Variants in CAMK1D observed in about 807,000 individuals in gnomAD.
CAMK1D encodes the protein calcium/calmodulin-dependent protein kinase type 1D.
Under a neutral mutation model 47.7 loss-of-function variants are expected in CAMK1D, and 9 were observed. That is an observed-to-expected ratio of 0.19 (90% CI 0.11 to 0.33). CAMK1D has a LOEUF of 0.33. CAMK1D is among the 10% of genes least tolerant of loss of function. The pLI, the probability that CAMK1D is intolerant of heterozygous loss-of-function variation, is 1.00. For missense variants in CAMK1D, 291 were observed against 488.7 expected (o/e 0.60, Z 3.81); for synonymous variants, 184 against 184.9 (o/e 0.99, Z 0.04).
intron 3 of CAMK1D, among the ~76,000 whole-genome samples, chr10:12,738,255 A>G (rs979559719): frequency 1.3e-5 from 2 of 152,240 alleles, no homozygotes; most frequent in African/African-American, 4.8e-5. Context: ...ATTTCTGTCA[A>G]TAAGAGGACA....
chr10:12,443,321 C>T (rs1832836393), intron 1 of CAMK1D, among the ~76,000 whole-genome samples: 1 of 152,118 alleles, frequency 6.6e-6, no homozygotes, highest in South Asian at 2.1e-4. Context: ...ACCTATGTTG[C>T]CTCCATTCTG....
intron 2 of CAMK1D, among the ~76,000 whole-genome samples, chr10:12,645,261 T>C (rs1272093417): frequency 6.6e-6 from 1 of 152,204 alleles, no homozygotes; most frequent in East Asian, 1.9e-4. Flanking sequence ...GGGCTATTAT[T>C]TAAAATTTTT....
At chr10:12,755,410 A>G (rs1314854630) in intron 3 of CAMK1D, among the ~76,000 whole-genome samples, 1 of 152,240 alleles carries the variant, frequency 6.6e-6, no homozygotes, top group Non-Finnish European at 1.5e-5. Flanking sequence ...AACTTTCTCC[A>G]AGCCAGGTTA....
chr10:12,409,849 C>T (rs1165593598), intron 1 of CAMK1D, among the ~76,000 whole-genome samples: 2 of 152,174 alleles, frequency 1.3e-5, no homozygotes, highest in South Asian at 2.1e-4. Context: ...ACCCATTAAG[C>T]GGTAGCTCCG....
intron 1 of CAMK1D, among the ~76,000 whole-genome samples, chr10:12,367,155 C>A (rs972787412): frequency 6.6e-6 from 1 of 152,180 alleles, no homozygotes; most frequent in Admixed American, 6.5e-5. Context: ...CCAAGTGTGG[C>A]TGACTCTCCC....
chr10:12,669,781 T>C (rs1034500361), intron 3 of CAMK1D, among the ~76,000 whole-genome samples: 1 of 152,226 alleles, frequency 6.6e-6, no homozygotes, highest in African/African-American at 2.4e-5. Context: ...AATTGACTTA[T>C]ATAGTATGTA....
At chr10:12,733,828 G>A (rs946140763) in intron 3 of CAMK1D, among the ~76,000 whole-genome samples, 7 of 152,086 alleles carry the variant, frequency 4.6e-5, no homozygotes, top group African/African-American at 1.7e-4. Context: ...TCATTGTATT[G>A]TAAATTTCAA....
intron 2 of CAMK1D, among the ~76,000 whole-genome samples, chr10:12,583,573 T>G (rs1056280098): frequency 2.0e-5 from 3 of 151,902 alleles, no homozygotes; most frequent in African/African-American, 7.3e-5. Flanking sequence ...GACGTTTCTT[T>G]GGTTTTGTGT....
chr10:12,638,652 G>A (rs1300790699), intron 2 of CAMK1D, among the ~76,000 whole-genome samples: 1 of 152,176 alleles, frequency 6.6e-6, no homozygotes, highest in Non-Finnish European at 1.5e-5. Flanking sequence ...GCTGGCTGGA[G>A]TCTCCTTAGA....
chr10:12,761,773 C>A (rs535114829), intron 4 of CAMK1D, among the ~76,000 whole-genome samples: 53 of 152,292 alleles, frequency 3.5e-4, no homozygotes, highest in African/African-American at 1.1e-3. Context: ...GTAGTCCCAG[C>A]TACACAGGAA....
chr10:12,516,943 G>A (rs994862009), intron 1 of CAMK1D, among the ~76,000 whole-genome samples: 2 of 152,168 alleles, frequency 1.3e-5, no homozygotes, highest in Non-Finnish European at 2.9e-5. Context: ...TTTGAATTGG[G>A]ATTGCATCGA....
rs369466775 is a variant in CAMK1D at position 12,410,852 on chromosome 10, T to C, written c.92+60942T>C. Among the ~76,000 whole-genome samples the C allele has an allele frequency of 1.1e-3, 162 of 152,282 alleles. 1 individual carries two copies. Among genetic ancestry groups the C allele is most frequent in the African/African-American group, 3.7e-3 (153 of 41,566 alleles). On this transcript the variant is annotated intron_variant, in intron 1 of 10. Transcript: ENST00000619168. ...TATTCTTCACTCTGCCCTCTTTTAT[T>C]GATTAATTTTAGGCAATCTCTGCGG...
intron 2 of CAMK1D, among the ~76,000 whole-genome samples, chr10:12,573,644 G>T (rs1588648641): frequency 6.6e-6 from 1 of 150,600 alleles, no homozygotes; most frequent in East Asian, 2.0e-4. Flanking sequence ...TCTTTCTTAC[G>T]TTTTTCTTTT....
chr10:12,724,134 G>A (rs779032848), intron 3 of CAMK1D, among the ~76,000 whole-genome samples: 10 of 152,286 alleles, frequency 6.6e-5, no homozygotes, highest in South Asian at 2.1e-4. Flanking sequence ...GATTACAGAC[G>A]CCGGCCACCA....
intron 1 of CAMK1D, among the ~76,000 whole-genome samples, chr10:12,375,406 C>T (rs926008770): frequency 3.9e-5 from 6 of 152,210 alleles, no homozygotes; most frequent in Non-Finnish European, 8.8e-5. Context: ...GTGAGGATTG[C>T]TCACTGCGTA....
At chr10:12,599,939 A>G (rs558397192) in intron 2 of CAMK1D, among the ~76,000 whole-genome samples, 2 of 152,348 alleles carry the variant, frequency 1.3e-5, no homozygotes, top group South Asian at 4.1e-4. Flanking sequence ...TTTATTTTTT[A>G]AGAAAATACA....
intron 1 of CAMK1D, among the ~76,000 whole-genome samples, chr10:12,511,800 C>T (rs771856702): frequency 6.6e-6 from 1 of 152,250 alleles, no homozygotes; most frequent in Non-Finnish European, 1.5e-5. Context: ...CCTGGATAGA[C>T]ACGAGACTTT....
intron 1 of CAMK1D, among the ~76,000 whole-genome samples, chr10:12,443,735 T>C (rs960352816): frequency 2.0e-5 from 3 of 152,302 alleles, no homozygotes; most frequent in Admixed American, 6.5e-5. Context: ...GTTCAAGCGA[T>C]TCTCCTGCCT....
At chr10:12,472,691 T>A (rs1198035807) in intron 1 of CAMK1D, among the ~76,000 whole-genome samples, 1 of 152,048 alleles carries the variant, frequency 6.6e-6, no homozygotes, top group African/African-American at 2.4e-5. Context: ...CTACCTAATT[T>A]CTGTATTTTT....
Sources: allele counts gnomAD v4.1 joint callset (sites outside exome capture counted in the v4.1 genomes callset), GRCh38; gene constraint gnomAD v4.1.1; transcripts MANE v1.5; gene names NCBI Gene and HGNC (gene_info 2026-07-23, HGNC 2026-07-21).